LRRC37A2: variants seen among roughly 807,000 people sequenced by gnomAD.
LRRC37A2 encodes the protein leucine-rich repeat-containing protein 37A2.
In LRRC37A2, 9 loss-of-function variants were observed where a neutral mutation model predicts 68.8. That is an observed-to-expected ratio of 0.13 (90% confidence interval 0.08 to 0.23). LRRC37A2 has a LOEUF of 0.23. LRRC37A2 is among the 10% of genes least tolerant of loss of function. The pLI is 1.00. For synonymous variants in LRRC37A2, 63 were observed against 367.6 expected, an observed-to-expected ratio of 0.17 and a Z score of 9.48; for missense variants, 168 against 950.4, an observed-to-expected ratio of 0.18 and a Z score of 10.82.
At chr17:46,569,256 T>C in the LRRC37A2 span, among the ~76,000 whole-genome samples, 1 of 151,378 alleles carries the variant, frequency 6.6e-6, no homozygotes, top group African/African-American at 2.5e-5. Context: ...CCAGGATACA[T>C]TTGATACAAC....
the LRRC37A2 span, among the ~76,000 whole-genome samples, chr17:46,716,823 C>T: frequency 1.3e-5 from 2 of 152,154 alleles, no homozygotes; most frequent in Non-Finnish European, 2.9e-5. Context: ...TACCCCCTCC[C>T]TTATATATTG....
At chr17:46,960,845 A>G in the LRRC37A2 span, among the ~76,000 whole-genome samples, 1 of 152,246 alleles carries the variant, frequency 6.6e-6, no homozygotes, top group Admixed American at 6.5e-5. Context: ...GTCTGCATTA[A>G]GGGAAGAAGA....
chr17:46,810,741 C>A, the LRRC37A2 span, among the ~76,000 whole-genome samples: 2 of 152,014 alleles, frequency 1.3e-5, no homozygotes, highest in Non-Finnish European at 2.9e-5. Flanking sequence ...GACCTGAACG[C>A]GGAATACAGC....
chr17:46,635,818 T>TGTGTGTGTGTGTGTGTGTGC, the LRRC37A2 span, among the ~76,000 whole-genome samples: 7 of 138,352 alleles, frequency 5.1e-5, no homozygotes, highest in African/African-American at 1.6e-4. Flanking sequence ...TGTGTGTGTG[T>TGTGTGTGTGTGTGTGTGTGC]GCTCGTGTGT....
chr17:46,974,237 C>G, the LRRC37A2 span, among the ~76,000 whole-genome samples: 1 of 152,228 alleles, frequency 6.6e-6, no homozygotes, highest in African/African-American at 2.4e-5. Flanking sequence ...TTCTGGGGCG[C>G]TGGCCAGGGC....
chr17:46,862,727 C>G, the LRRC37A2 span, among the ~76,000 whole-genome samples: 2 of 152,128 alleles, frequency 1.3e-5, no homozygotes, highest in Non-Finnish European at 2.9e-5. Flanking sequence ...GGACAACAGG[C>G]GTCTACCACC....
chr17:46,905,735 C>T, the LRRC37A2 span, among the ~76,000 whole-genome samples: 1 of 152,034 alleles, frequency 6.6e-6, no homozygotes, highest in Non-Finnish European at 1.5e-5. Context: ...GGAAGACAAA[C>T]AGCCAAGTCA....
the LRRC37A2 span, among the ~76,000 whole-genome samples, chr17:46,998,120 A>G: frequency 6.6e-6 from 1 of 152,250 alleles, no homozygotes; most frequent in Non-Finnish European, 1.5e-5. Context: ...GCTTTCTGAC[A>G]TAAAACAGTT....
chr17:46,540,066 A>AT, intron 6 of LRRC37A2, 110 bp from the exon 6 acceptor site: 1 of 1,208,932 alleles, frequency 8.3e-7, no homozygotes, highest in South Asian at 1.4e-5. Flanking sequence ...GACAGGAAAC[A>AT]TTTTTTTCTT....
the LRRC37A2 span, among the ~76,000 whole-genome samples, chr17:46,796,892 C>T: frequency 9.2e-5 from 14 of 152,138 alleles, no homozygotes; most frequent in African/African-American, 2.4e-5. Flanking sequence ...CTAGTTTACA[C>T]GGGATGATTA....
At chr17:46,737,963 C>A in the LRRC37A2 span, among the ~76,000 whole-genome samples, 1 of 150,288 alleles carries the variant, frequency 6.7e-6, no homozygotes, top group African/African-American at 2.4e-5. Context: ...GAGATAGGAT[C>A]TTGCTGTGTT....
At chr17:46,896,751 C>T in the LRRC37A2 span, among the ~76,000 whole-genome samples, 3 of 152,170 alleles carry the variant, frequency 2.0e-5, no homozygotes, top group African/African-American at 4.8e-5. Flanking sequence ...CTATGATGTC[C>T]GTCCCACCAC....
chr17:46,936,607 C>G, the LRRC37A2 span: 10 of 985,342 alleles, frequency 1.0e-5, no homozygotes, highest in African/African-American at 1.0e-4. Context: ...CTGAAGCACT[C>G]TGATGACTGG....
chr17:46,730,570 T>C, the LRRC37A2 span, among the ~76,000 whole-genome samples: 1 of 152,180 alleles, frequency 6.6e-6, no homozygotes, highest in African/African-American at 2.4e-5. Context: ...TATTGTAAGA[T>C]TTTTGAGGGA....
chr17:46,977,777 T>G, the LRRC37A2 span, among the ~76,000 whole-genome samples: 2 of 152,220 alleles, frequency 1.3e-5, no homozygotes, highest in African/African-American at 4.8e-5. Context: ...GCCTTATAAT[T>G]AAACTTTTAA....
At chr17:46,787,957 GAA>G in the LRRC37A2 span, among the ~76,000 whole-genome samples, 23 of 98,410 alleles carry the variant, frequency 2.3e-4, no homozygotes, top group Admixed American at 4.5e-4. Flanking sequence ...CTCTGCCTCA[GAA>G]AAAAAAAAAA....
the LRRC37A2 span, among the ~76,000 whole-genome samples, chr17:46,735,772 C>T: frequency 1.3e-5 from 2 of 152,008 alleles, no homozygotes; most frequent in African/African-American, 2.4e-5. Context: ...TAGTGAAACC[C>T]GATCTCTACT....
At chr17:46,992,876 AAG>A in the LRRC37A2 span, among the ~76,000 whole-genome samples, 2 of 150,902 alleles carry the variant, frequency 1.3e-5, no homozygotes, top group South Asian at 2.1e-4. Context: ...AAAAAAAAAA[AAG>A]AATATGTAGT....
chr17:47,015,542 G>A, the LRRC37A2 span, among the ~76,000 whole-genome samples: 121 of 152,104 alleles, frequency 8.0e-4, no homozygotes, highest in Middle Eastern at 6.8e-3. Context: ...ACCTAGTGAC[G>A]CATTTCTCAA....
Sources: gnomAD v4.1 joint callset for allele counts (sites outside exome capture counted in the v4.1 genomes callset) on GRCh38, gnomAD v4.1.1 for gene constraint, MANE v1.5 for transcripts, NCBI Gene and HGNC (gene_info 2026-07-23, HGNC 2026-07-21) for gene names.